The following IPO8 variants were observed in gnomAD, a reference collection of about 807,000 sequenced individuals.
The protein encoded by IPO8 is importin 8.
In IPO8, 65 loss-of-function variants were observed where a neutral mutation model predicts 141.2. That is an observed-to-expected ratio of 0.46 (90% CI 0.38 to 0.57). IPO8 has a LOEUF of 0.57. Ranked by LOEUF, IPO8 falls within the 20% of genes least tolerant of loss-of-function variation. IPO8 has a pLI of 0.00. For missense variants in IPO8, 980 were observed against 1,246.8 expected, an observed-to-expected ratio of 0.79 and a Z score of 3.22; for synonymous variants, 411 against 420.3, an observed-to-expected ratio of 0.98 and a Z score of 0.27.
chr12:30,630,873 G>C lies in IPO8; in HGVS notation c.3101C>G (p.Pro1034Arg), dbSNP rs754836269. 1.2e-6 allele frequency: 2 copies of C among 1,612,518 alleles called. No individual in the cohort carries two copies. Among genetic ancestry groups the C allele is most frequent in the African/African-American group, 2.7e-5 (2 of 74,848 alleles). The change falls in exon 25 of 25, where the codon CCC becomes CGC. Residue 1034 changes from proline to arginine, a missense_variant. By Grantham distance (103) the Pro-to-Arg change is moderately radical. This residue lies in a region of IPO8 where 924 missense variants were observed against 1,153.9 expected (regional missense o/e 0.80). Transcript: ENST00000256079. ...ATGTTCTTTCCTTCAGTTGTTGCTG[G>C]GCACAGTCCCAAAATTAAATGCGGA... is the stretch of plus-strand genomic sequence containing the variant. ...VLSAFNFGTV[P>R]SNN
intron 13 of IPO8, among the ~76,000 whole-genome samples, chr12:30,664,751 T>C (rs1038445867): frequency 3.1e-5 from 1 of 32,436 alleles, no homozygotes; most frequent in Non-Finnish European, 6.5e-5. Flanking sequence ...AATATTTTCC[T>C]TTTTTTTTGA....
chr12:30,690,000 T>C (rs2053276428), intron 2 of IPO8, among the ~76,000 whole-genome samples: 1 of 152,234 alleles, frequency 6.6e-6, no homozygotes. Flanking sequence ...TACAACATCA[T>C]GAAACAACGT....
chr12:30,639,494 T>TA (rs1413592232), intron 21 of IPO8, 21 bp downstream of exon 21: 2 of 1,531,508 alleles, frequency 1.3e-6, no homozygotes, highest in Admixed American at 3.3e-5. Flanking sequence ...AAAAGCAGTG[T>TA]AAAATCCAAA....
intron 17 of IPO8, among the ~76,000 whole-genome samples, chr12:30,654,935 G>A (rs902731458): frequency 6.6e-6 from 1 of 151,602 alleles, no homozygotes; most frequent in Admixed American, 6.6e-5. Context: ...CAATAACCAA[G>A]ATATGAAAAT....
At chr12:30,644,081 CT>C (rs1321863006) in intron 20 of IPO8, among the ~76,000 whole-genome samples, 1 of 152,164 alleles carries the variant, frequency 6.6e-6, no homozygotes, top group Non-Finnish European at 1.5e-5. Flanking sequence ...TCAAAGATAC[CT>C]GTTGGGGACA....
In IPO8 at chr12:30,673,976, C is replaced by A. The variant is rs2053085194; in HGVS notation, c.909+14G>T. ...AGTAACCATTATTCTATTTTAAAAG[C>A]ATAAGTTTATTACCTGCTGAATGCC... On this transcript the variant is annotated intron_variant, in intron 8 of 24. Transcript: ENST00000256079. 6.7e-7 allele frequency: 1 copy of A among 1,499,242 alleles called. No individual in the cohort carries two copies. Among genetic ancestry groups the A allele is most frequent in the Non-Finnish European group, 9.2e-7 (1 of 1,090,100 alleles). 92.9% of individuals were successfully genotyped at this position (1,499,242 alleles called of 1,614,324 possible). A position where few individuals can be genotyped will look rare whatever the true frequency, so the allele number is the denominator to read the frequency against.
At chr12:30,641,885 T>A (rs1565494460) in intron 20 of IPO8, among the ~76,000 whole-genome samples, 1 of 152,076 alleles carries the variant, frequency 6.6e-6, no homozygotes, top group African/African-American at 2.4e-5. Context: ...AATGTAGTCA[T>A]GAATCTGAAT....
intron 20 of IPO8, among the ~76,000 whole-genome samples, chr12:30,640,555 A>G (rs1442702018): frequency 6.6e-6 from 1 of 152,298 alleles, no homozygotes; most frequent in East Asian, 1.9e-4. Context: ...CTCTACAAAG[A>G]TGAGATAACT....
At chr12:30,643,451 C>T (rs1443647765) in intron 20 of IPO8, among the ~76,000 whole-genome samples, 1 of 152,196 alleles carries the variant, frequency 6.6e-6, no homozygotes, top group Non-Finnish European at 1.5e-5. Context: ...CTTTCTGATA[C>T]ACAAATTCTT....
At position 30,630,016 on chromosome 12, in the gene IPO8, A is replaced by G. The variant is rs2052408585; in HGVS notation, c.*844T>C. ...TTAGGTATGATTATCAATTAATTGC[A>G]TAATTACATTATTCAGAATATACTC... On this transcript the variant is annotated 3_prime_UTR_variant, in exon 25 of 25. Transcript: ENST00000256079. The G allele has an allele frequency of 1.3e-5, 2 of 152,228 alleles. No homozygotes were observed. Among genetic ancestry groups the G allele is most frequent in the Non-Finnish European group, 2.9e-5 (2 of 68,042 alleles). The allele number at this position is 152,228 out of a possible 1,614,324, so 9.4% of individuals were successfully genotyped here.
chr12:30,642,851 T>G (rs983872844), intron 20 of IPO8, among the ~76,000 whole-genome samples: 13 of 152,004 alleles, frequency 8.6e-5, no homozygotes, highest in African/African-American at 3.1e-4. Context: ...TTAAAAGGGC[T>G]CATAAGACAA....
intron 1 of IPO8, among the ~76,000 whole-genome samples, chr12:30,691,038 T>C (rs2053286771): frequency 6.6e-6 from 1 of 152,222 alleles, no homozygotes; most frequent in Non-Finnish European, 1.5e-5. Flanking sequence ...AATGGAGTAT[T>C]TGCTTTATTC....
intron 17 of IPO8, 138 bp downstream of exon 17, chr12:30,656,546 C>T: frequency 2.0e-6 from 1 of 506,908 alleles, no homozygotes; most frequent in East Asian, 3.8e-5. Context: ...CTAGAAAGGA[C>T]ATCCAAAAAT....
intron 6 of IPO8, 65 bp from the exon 7 acceptor site, chr12:30,674,818 G>A: frequency 9.5e-7 from 1 of 1,053,846 alleles, no homozygotes; most frequent in Non-Finnish European, 1.5e-6. Flanking sequence ...GAATAACAAA[G>A]GCAAGATAAA....
Position 30,659,133 on chromosome 12 carries a change from G to A in IPO8, c.1881+2008C>T, listed in dbSNP as rs550768720. Among the ~76,000 whole-genome samples the A allele has an allele frequency of 1.2e-4, 18 of 152,204 alleles. No homozygotes were observed. In the East Asian group the frequency reaches 3.3e-3, roughly 28 times the overall value. ...CTGACCTCGTGATCCACCCGCCTCA[G>A]CCTCCCAAAGTGCTGGGATTACAGG... On this transcript the variant is annotated intron_variant, in intron 16 of 24. Coordinates refer to ENST00000256079, the MANE Select transcript of IPO8 (RefSeq NM_006390.4).
chr12:30,637,512 A>G (rs2052519016), intron 21 of IPO8, among the ~76,000 whole-genome samples: 1 of 152,194 alleles, frequency 6.6e-6, no homozygotes, highest in Non-Finnish European at 1.5e-5. Context: ...TGACAGCATA[A>G]AAGTCCTATA....
In IPO8 at chr12:30,652,267, A is replaced by G; in HGVS notation, c.2097T>C (p.Asn699=). ...AGGTATCTGTATCTATTGTCACATA[A>G]TTATGCAGGAGAGGCATCATGTCTG... is the stretch of plus-strand genomic sequence containing the variant. ...YFTDMMPLLH[N]YVTIDTDTLL... The change falls in exon 19 of 25, where the codon AAT becomes AAC. Residue 699 remains asparagine (N), a synonymous_variant. Coordinates refer to ENST00000256079, the MANE Select transcript of IPO8 (RefSeq NM_006390.4). 1.3e-6 allele frequency: 2 copies of G among 1,599,858 alleles called. No homozygotes were observed. The highest frequency in any genetic ancestry group is 1.7e-6 in the Non-Finnish European group (2 of 1,169,008).
chr12:30,654,973 G>A (rs578146139), intron 17 of IPO8, among the ~76,000 whole-genome samples: 11 of 151,770 alleles, frequency 7.2e-5, no homozygotes, highest in Non-Finnish European at 1.3e-4. Flanking sequence ...CAGATGAACA[G>A]ATAAAGAAAA....
intron 1 of IPO8, among the ~76,000 whole-genome samples, chr12:30,691,435 GTGCTCTACTATGATC>G (rs1417409108): frequency 2.9e-4 from 44 of 152,312 alleles, no homozygotes; most frequent in Admixed American, 1.8e-3. Context: ...CCCCACAGGT[GTGCTCTACTATGATC>G]TGCTCCTGAG....
Sources: gnomAD v4.1 joint callset for allele counts (sites outside exome capture counted in the v4.1 genomes callset) on GRCh38, gnomAD v4.1.1 for gene constraint, gnomAD v4.1.1 regional missense constraint, MANE v1.5 for transcripts, NCBI Gene and HGNC (gene_info 2026-07-23, HGNC 2026-07-21) for gene names.